The following GPR176 variants were observed in gnomAD, a reference collection of about 807,000 sequenced individuals.
GPR176 encodes G-protein coupled receptor 176.
GPR176 carries 26 observed loss-of-function variants against 35.4 expected under a neutral mutation model. The observed-to-expected ratio is 0.74, with a 90% CI of 0.54 to 1.02. The LOEUF (loss-of-function observed/expected upper bound fraction) is 1.02, where lower values mean the gene tolerates loss of function less well. Among genes scored for constraint, GPR176 ranks in the 50% least tolerant of loss-of-function variants. GPR176 has a pLI of 0.00. For synonymous variants in GPR176, 278 were observed against 271.3 expected (o/e 1.02, Z -0.24); for missense variants, 597 against 665.3 (o/e 0.90, Z 1.13).
chr15:39,878,096 C>CTGTGTGTGTGTGTGTGTG (rs58251937), intron 1 of GPR176, among the ~76,000 whole-genome samples: 2,331 of 129,986 alleles, frequency 0.018, 60 homozygotes, highest in Non-Finnish European at 0.026. Context: ...CCATAGTTAC[C>CTGTGTGTGTGTGTGTGTG]TGTGTGTGTG....
At chr15:39,816,161 T>C (rs1899890919) in intron 1 of GPR176, among the ~76,000 whole-genome samples, 1 of 152,122 alleles carries the variant, frequency 6.6e-6, no homozygotes, top group South Asian at 2.1e-4. Context: ...GAGATACTGG[T>C]CAAAGGACAC....
intron 1 of GPR176, among the ~76,000 whole-genome samples, chr15:39,865,091 C>T (rs2031773213): frequency 1.3e-5 from 2 of 152,032 alleles, no homozygotes; most frequent in South Asian, 2.1e-4. Flanking sequence ...AACTCTTATA[C>T]ACTATTGATG....
chr15:39,918,170 G>A (rs1465496487), intron 1 of GPR176, among the ~76,000 whole-genome samples: 1 of 152,008 alleles, frequency 6.6e-6, no homozygotes, highest in Non-Finnish European at 1.5e-5. Context: ...GCTATGTGGA[G>A]AAAAGCTGAA....
chr15:39,851,653 C>T (rs1289957119), intron 1 of GPR176, among the ~76,000 whole-genome samples: 2 of 152,184 alleles, frequency 1.3e-5, no homozygotes, highest in Non-Finnish European at 2.9e-5. Flanking sequence ...TTAACATCAA[C>T]TCTTGTTTTC....
At chr15:39,883,287 T>C (rs2032549268) in intron 1 of GPR176, among the ~76,000 whole-genome samples, 2 of 152,144 alleles carry the variant, frequency 1.3e-5, no homozygotes, top group South Asian at 4.1e-4. Context: ...AAGGAACCCA[T>C]CATATAGCTA....
chr15:39,816,077 C>CTAA (rs1354167147), intron 1 of GPR176, among the ~76,000 whole-genome samples: 7 of 152,152 alleles, frequency 4.6e-5, no homozygotes, highest in African/African-American at 1.7e-4. Context: ...ATCACATTTA[C>CTAA]AGGTGGAATC....
intron 1 of GPR176, among the ~76,000 whole-genome samples, chr15:39,834,309 GATTT>G (rs1204848601): frequency 1.3e-5 from 2 of 152,154 alleles, no homozygotes; most frequent in African/African-American, 2.4e-5. Context: ...ATTCCATGAA[GATTT>G]ATTATGAGAA....
intron 1 of GPR176, among the ~76,000 whole-genome samples, chr15:39,836,825 C>G (rs1901426551): frequency 6.6e-6 from 1 of 152,126 alleles, no homozygotes; most frequent in Non-Finnish European, 1.5e-5. Context: ...AAAAACAGTA[C>G]TTGGCACATG....
At chr15:39,855,603 A>G (rs931214755) in intron 1 of GPR176, among the ~76,000 whole-genome samples, 2 of 152,166 alleles carry the variant, frequency 1.3e-5, no homozygotes, top group African/African-American at 2.4e-5. Context: ...TCCAAGCCCC[A>G]GCATTATAAA....
At chr15:39,846,023 T>C (rs1428300378) in intron 1 of GPR176, among the ~76,000 whole-genome samples, 1 of 152,206 alleles carries the variant, frequency 6.6e-6, no homozygotes, top group African/African-American at 2.4e-5. Flanking sequence ...ACTCTCAGTA[T>C]AATCAAAGCC....
At chr15:39,914,592 G>A (rs368107398) in intron 1 of GPR176, among the ~76,000 whole-genome samples, 4 of 152,238 alleles carry the variant, frequency 2.6e-5, no homozygotes, top group South Asian at 2.1e-4. Flanking sequence ...TTACAGGCAT[G>A]AGCCACCACA....
intron 1 of GPR176, among the ~76,000 whole-genome samples, chr15:39,900,228 A>G (rs542871187): frequency 1.1e-4 from 16 of 146,188 alleles, no homozygotes. Flanking sequence ...AGGATGTTTA[A>G]AAAAAAAAAA....
chr15:39,902,226 T>C (rs1031797615), intron 1 of GPR176, among the ~76,000 whole-genome samples: 6 of 152,168 alleles, frequency 3.9e-5, no homozygotes, highest in African/African-American at 1.4e-4. Flanking sequence ...GCAAGTACAA[T>C]CACAAAAGAG....
intron 1 of GPR176, among the ~76,000 whole-genome samples, chr15:39,883,007 CTGAGAG>C (rs2032536525): frequency 6.6e-6 from 1 of 152,192 alleles, no homozygotes; most frequent in African/African-American, 2.4e-5. Context: ...ATGTTGAACA[CTGAGAG>C]TAAGTATAGA....
chr15:39,843,468 G>C lies in GPR176; in HGVS notation c.173-36210C>G, dbSNP rs1388527932. Among the ~76,000 whole-genome samples the C allele has an allele frequency of 2.6e-5, 4 of 152,084 alleles. No individual in the cohort carries two copies. The East Asian group carries it at 7.7e-4, about 29-fold the overall frequency. The stretch of plus-strand genomic sequence containing the variant: ...CAGCATACCCTTCAAAAGAGGCCCA[G>C]ATCAGTCCCAGTTACAATAACTCAA... On this transcript the variant is annotated intron_variant, in intron 1 of 2. Transcript: ENST00000561100.
chr15:39,801,599 G>T lies in GPR176; in HGVS notation c.1081C>A (p.Pro361Thr). 6.2e-7 allele frequency: 1 copy of T among 1,613,962 alleles called. No homozygotes were observed. Among genetic ancestry groups the T allele is most frequent in the Non-Finnish European group, 8.5e-7 (1 of 1,179,860 alleles). The stretch of plus-strand genomic sequence containing the variant: ...AGCTGGCTACCCGAGCGTATGCTGG[G>T]TTCCAGGCTGGCCTCAGCCATGCCA... The part of the protein sequence containing the change: ...GSGMAEASLE[P>T]SIRSGSQLLE... Residue 361 changes from proline (P) to threonine (T), a missense_variant, in exon 3 of 3, where the codon CCC (proline) becomes ACC (threonine). Transcript: ENST00000561100.
intron 1 of GPR176, among the ~76,000 whole-genome samples, chr15:39,906,921 G>T (rs946702899): frequency 3.3e-4 from 50 of 152,232 alleles, no homozygotes; most frequent in African/African-American, 1.2e-3. Context: ...AGCAGTGCAT[G>T]AAATAAAGTC....
chr15:39,894,529 C>G (rs1327490701), intron 1 of GPR176: 2 of 182,764 alleles, frequency 1.1e-5, no homozygotes, highest in Non-Finnish European at 2.3e-5. Flanking sequence ...AGATGCTCCT[C>G]ACCTCCCAGA....
At chr15:39,842,147 T>G (rs1391186405) in intron 1 of GPR176, among the ~76,000 whole-genome samples, 1 of 152,090 alleles carries the variant, frequency 6.6e-6, no homozygotes, top group Non-Finnish European at 1.5e-5. Flanking sequence ...CTGGGTAATT[T>G]ATAAAGAAAA....
Sources: gnomAD v4.1 joint callset for allele counts (sites outside exome capture counted in the v4.1 genomes callset) on GRCh38, gnomAD v4.1.1 for gene constraint, MANE v1.5 for transcripts, NCBI Gene and HGNC (gene_info 2026-07-23, HGNC 2026-07-21) for gene names.